Variants in EHMT2 observed in about 807,000 individuals in gnomAD.
The protein encoded by EHMT2 is histone-lysine N-methyltransferase EHMT2.
In EHMT2, 59 loss-of-function variants were observed where a neutral mutation model predicts 143.3. The ratio of observed to expected loss-of-function variants is 0.41; its 90% CI spans 0.33 to 0.51. The LOEUF is 0.51. Ranked by LOEUF, EHMT2 falls within the 20% of genes least tolerant of loss-of-function variation. EHMT2 has a pLI of 0.18. For missense variants in EHMT2, 1,174 were observed against 1,645.9 expected (o/e 0.71, Z 4.96); for synonymous variants, 604 against 651.5 (o/e 0.93, Z 1.11).
Position 31,880,896 on chromosome 6 carries a change from C to A in EHMT2, c.3277-48G>T. 1 of 1,609,764 alleles carries A rather than the reference C, an allele frequency of 6.2e-7. No individual in the cohort carries two copies. On this transcript the variant is annotated intron_variant, in intron 26 of 27. Coordinates refer to ENST00000375537, the Ensembl canonical transcript of EHMT2. This position sits in a 1 kb window ranked among gnomAD's most constrained non-coding sequence, Gnocchi z 6.6. Reference sequence around the variant, plus strand: ...TTCACATCTCCCCCGACCCTGCTTGCCCTCCCCACCCACTGACTCCCCAGT... The same window carrying A: ...TTCACATCTCCCCCGACCCTGCTTGACCTCCCCACCCACTGACTCCCCAGT...
exon 15 of EHMT2, chr6:31,887,606 C>A: frequency 6.2e-7 from 1 of 1,613,076 alleles, no homozygotes; most frequent in Non-Finnish European, 8.5e-7. Flanking sequence ...CTGCAGCTCG[C>A]CCTGCTTCAC....
Position 31,889,726 on chromosome 6 carries a change from G to T in EHMT2, c.865-124C>A. The T allele has an allele frequency of 1.6e-6, 2 of 1,237,728 alleles. No homozygotes were observed. Among genetic ancestry groups the T allele is most frequent in the Non-Finnish European group, 2.3e-6 (2 of 870,310 alleles). The allele number at this position is 1,237,728 out of a possible 1,614,324, so 76.7% of individuals were successfully genotyped here. ...CGGATGGCTGCTGGGGATAAGTGTG[G>T]GTAGCAGAGGAGACAAAGGGCCACA... On this transcript the variant is annotated intron_variant, in intron 7 of 27. Coordinates refer to ENST00000375537, the Ensembl canonical transcript of EHMT2. This position sits in a 1 kb window ranked among gnomAD's most constrained non-coding sequence, Gnocchi z 5.1.
At chr6:31,887,202 G>A (rs1764985492) in intron 15 of EHMT2, 101 bp from the exon 16 acceptor site, 5 of 969,856 alleles carry the variant, frequency 5.2e-6, no homozygotes, top group African/African-American at 1.6e-5. Flanking sequence ...AGGGCCCCAA[G>A]CTGGATCAGG....
Position 31,884,091 on chromosome 6 carries a change from T to C in EHMT2, c.2772-141A>G. 1 of 939,386 alleles carries C rather than the reference T, an allele frequency of 1.1e-6. No homozygotes were observed. Among genetic ancestry groups the C allele is most frequent in the Non-Finnish European group, 1.5e-6 (1 of 647,034 alleles). 58.2% of individuals were successfully genotyped at this position (939,386 alleles called of 1,614,324 possible). ...GCCAGGTAAGATGCAGGACAGCGAG[T>C]TAACATAGAATTTTAGATAAACAAG... On this transcript the variant is annotated intron_variant, in intron 21 of 27. Transcript: ENST00000375537. This position sits in a 1 kb window ranked among gnomAD's most constrained non-coding sequence, Gnocchi z 7.3.
rs1764336059 is a variant in EHMT2 at position 31,883,167 on chromosome 6, G to C, written c.2995-158C>G. On this transcript the variant is annotated intron_variant, in intron 23 of 27. Transcript: ENST00000375537. The surrounding 1 kb of genome is among the most constrained non-coding windows in gnomAD (Gnocchi z 5.6). ...ACGAAATGCAGGAGCATCATCCCTG[G>C]TTTGCATAGACCTGGGCACACGCCC... is the stretch of plus-strand genomic sequence containing the variant. The C allele has an allele frequency of 1.2e-6, 1 of 862,828 alleles. No individual in the cohort carries two copies. Among genetic ancestry groups the C allele is most frequent in the East Asian group, 2.6e-5 (1 of 37,790 alleles). 53.4% of individuals were successfully genotyped at this position (862,828 alleles called of 1,614,324 possible). A position where few individuals can be genotyped will look rare whatever the true frequency, so the allele number is the denominator to read the frequency against.
chr6:31,896,484 T>TG lies in EHMT2; in HGVS notation c.360dup (p.Ser121GlnfsTer8). 6.2e-7 allele frequency: 1 copy of TG among 1,612,990 alleles called. No homozygotes were observed. The highest frequency in any genetic ancestry group is 8.5e-7 in the Non-Finnish European group (1 of 1,179,976). ...CGGCTAGGACAGGAACCCCCCTTGC[T>TG]GGGGGAAGAGGGGAATGACTTTGTG... On this transcript the variant is annotated frameshift_variant, in exon 4 of 28. Transcript: ENST00000375537. LOFTEE classifies it high-confidence loss of function.
intron 4 of EHMT2, among the ~76,000 whole-genome samples, chr6:31,894,788 C>T (rs1430824111): frequency 2.0e-5 from 3 of 149,982 alleles, no homozygotes; most frequent in Non-Finnish European, 4.4e-5. Context: ...ATTACAGGCG[C>T]ACGCCACCAC....
exon 4 of EHMT2, chr6:31,896,475 C>A (rs756546595): frequency 1.2e-6 from 2 of 1,613,004 alleles, no homozygotes; most frequent in South Asian, 2.2e-5. Flanking sequence ...GGACAGGAAC[C>A]CCCCTTGCTG....
chr6:31,896,644 T>C, exon 3 of EHMT2: 1 of 1,591,222 alleles, frequency 6.3e-7, no homozygotes, highest in African/African-American at 1.3e-5. Flanking sequence ...CCCATCTCCC[T>C]CAAGATTCTC....
chr6:31,886,376 G>A (rs1035621233), intron 18 of EHMT2: 4 of 591,642 alleles, frequency 6.8e-6, no homozygotes, highest in South Asian at 4.4e-5. Context: ...ATTAAGACAG[G>A]AACTGATTAT....
intron 3 of EHMT2, 42 bp from the exon 4 acceptor site, chr6:31,896,558 A>C: frequency 6.2e-7 from 1 of 1,602,132 alleles, no homozygotes; most frequent in Non-Finnish European, 8.5e-7. Flanking sequence ...GAAAGAAGGC[A>C]AGAGTCAGAA....
Position 31,889,124 on chromosome 6 carries a change from T to A in EHMT2, c.1115-54A>T. Reference sequence around the variant, plus strand: ...GCGAGCTCACAGGTGCCTGGACGCGTGGGTACATGCAGGTGGACATGCGAG... The same window carrying A: ...GCGAGCTCACAGGTGCCTGGACGCGAGGGTACATGCAGGTGGACATGCGAG... On this transcript the variant is annotated intron_variant, in intron 9 of 27. Coordinates refer to ENST00000375537, the Ensembl canonical transcript of EHMT2. The surrounding 1 kb of genome is among the most constrained non-coding windows in gnomAD (Gnocchi z 5.1). 1 of 1,538,844 alleles carries A rather than the reference T, an allele frequency of 6.5e-7. No individual in the cohort carries two copies. The highest frequency in any genetic ancestry group is 8.9e-7 in the Non-Finnish European group (1 of 1,128,042).
rs1764439884 is a variant in EHMT2, at chr6:31,883,843, G to C, written c.2879C>G (p.Ser960Cys). ...GATGTTGCGATCGATGTTCATGGTG[G>C]ACGTCTCGCAGTTCTCTGAGATGTA... The change falls in exon 22 of 28, where the codon TCC becomes TGC. Residue 960 changes from serine (S) to cysteine (C), a missense_variant. Physicochemically the swap from Ser to Cys is moderately radical, Grantham distance 112. This residue lies in a region of EHMT2 where 608 missense variants were observed against 903.7 expected (regional missense o/e 0.67). Transcript: ENST00000375537. The surrounding 1 kb of genome is among the most constrained non-coding windows in gnomAD (Gnocchi z 5.6). 1 of 1,613,884 alleles carries C rather than the reference G, an allele frequency of 6.2e-7. No homozygotes were observed. Among genetic ancestry groups the C allele is most frequent in the Admixed American group, 1.7e-5 (1 of 59,998 alleles).
intron 7 of EHMT2, 30 bp downstream of exon 7, chr6:31,892,377 G>A (rs1317040524): frequency 7.5e-6 from 12 of 1,604,190 alleles, no homozygotes; most frequent in South Asian, 4.4e-5. Context: ...GGGGAGCACC[G>A]GCGGGGAGGG....
rs1490447111 is a variant in EHMT2 at position 31,889,611 on chromosome 6, G to A, written c.865-9C>T. On this transcript the variant is annotated splice_polypyrimidine_tract_variant and intron_variant, in intron 7 of 27. Transcript: ENST00000375537. This position sits in a 1 kb window ranked among gnomAD's most constrained non-coding sequence, Gnocchi z 5.1. The stretch of plus-strand genomic sequence containing the variant: ...AGAGCTTCAACTTCAGACTGGGAGA[G>A]AGGCAGAACAGACATATCCAACCCC... 3 of 1,609,530 alleles carry A rather than the reference G, an allele frequency of 1.9e-6. No homozygotes were observed. In the Admixed American group the frequency reaches 5.0e-5, roughly 27 times the overall value.
chr6:31,896,254 C>A lies in EHMT2; in HGVS notation c.582+9G>T, dbSNP rs775750941. 6.2e-7 allele frequency: 1 copy of A among 1,606,652 alleles called. No individual in the cohort carries two copies. Among genetic ancestry groups the A allele is most frequent in the South Asian group, 1.1e-5 (1 of 90,786 alleles). On this transcript the variant is annotated intron_variant, in intron 4 of 27. Coordinates refer to ENST00000375537, the Ensembl canonical transcript of EHMT2. ...TGGTTGATTATCCCATCTCTCCCATCCCACTCACCTGTCCATTTCCTGGTT... is the reference window on the plus strand; with the variant it reads ...TGGTTGATTATCCCATCTCTCCCATACCACTCACCTGTCCATTTCCTGGTT...
At position 31,880,005 on chromosome 6, in the gene EHMT2, T is replaced by C; in HGVS notation, c.*79A>G. On this transcript the variant is annotated 3_prime_UTR_variant, in exon 28 of 28. Transcript: ENST00000375537. This position sits in a 1 kb window ranked among gnomAD's most constrained non-coding sequence, Gnocchi z 6.6. ...GAGAAGATGGCAGCACCCCCAGGCA[T>C]GGGCTGCGAGCAGCTGGTGGCAGAG... 6.7e-7 allele frequency: 1 copy of C among 1,503,026 alleles called. No individual in the cohort carries two copies. 93.1% of individuals were successfully genotyped at this position (1,503,026 alleles called of 1,614,324 possible).
Position 31,881,788 on chromosome 6 carries a change from G to A in EHMT2, c.3198-696C>T, listed in dbSNP as rs1581880014. Among the ~76,000 whole-genome samples the A allele has an allele frequency of 6.6e-6, 1 of 152,182 alleles. No individual in the cohort carries two copies. The highest frequency in any genetic ancestry group is 2.4e-5 in the African/African-American group (1 of 41,452). The stretch of plus-strand genomic sequence containing the variant: ...ATGGTCTGTTGAACAGGCAAGTATG[G>A]TTAGAGGACTATCTTTTTTAAAGGC... On this transcript the variant is annotated intron_variant, in intron 25 of 27. Coordinates refer to ENST00000375537, the Ensembl canonical transcript of EHMT2. This position sits in a 1 kb window ranked among gnomAD's most constrained non-coding sequence, Gnocchi z 4.8.
Position 31,882,680 on chromosome 6 carries a change from G to T in EHMT2, c.3197+19C>A. On this transcript the variant is annotated intron_variant, in intron 25 of 27. Transcript: ENST00000375537. ...GTATCCCCTTCCCACCAGGTGTTAA[G>T]GTGCTCCCGGTGACTTACTCGCAGA... is the stretch of plus-strand genomic sequence containing the variant. 15 of 1,608,212 alleles carry T rather than the reference G, an allele frequency of 9.3e-6. No homozygotes were observed. The highest frequency in any genetic ancestry group is 1.2e-5 in the Non-Finnish European group (14 of 1,177,602).
Sources: allele counts gnomAD v4.1 joint callset (sites outside exome capture counted in the v4.1 genomes callset), GRCh38; gene constraint gnomAD v4.1.1; regional missense constraint gnomAD v4.1.1; non-coding constraint Gnocchi (gnomAD v3.1); transcripts MANE v1.5; gene names NCBI Gene and HGNC (gene_info 2026-07-23, HGNC 2026-07-21).